Variants in RAPGEF4 observed in about 807,000 individuals in gnomAD.
RAPGEF4 encodes the protein Rap guanine nucleotide exchange factor 4.
RAPGEF4 carries 66 observed loss-of-function variants against 147.9 expected under a neutral mutation model. The ratio of observed to expected loss-of-function variants is 0.45; its 90% CI spans 0.37 to 0.55. The LOEUF (loss-of-function observed/expected upper bound fraction) is 0.55, where lower values mean the gene tolerates loss of function less well. Among genes scored for constraint, RAPGEF4 ranks in the 20% least tolerant of loss-of-function variants. The pLI, the probability that RAPGEF4 is intolerant of heterozygous loss-of-function variation, is 0.00. For missense variants in RAPGEF4, 1,071 were observed against 1,257.3 expected, an observed-to-expected ratio of 0.85 and a Z score of 2.24; for synonymous variants, 419 against 442.7, an observed-to-expected ratio of 0.95 and a Z score of 0.67.
rs749280319 is a variant in RAPGEF4, at chr2:173,018,777, C to T, written c.2130C>T (p.Ile710=). ...ADKLGSGEGL[I]IVKMSSGGEK... ...AGCTGGGCTCCGGGGAGGGCCTGATCATAGTCAAGATGAGTTCCGGAGGAG... is the reference window on the plus strand; with the variant it reads ...AGCTGGGCTCCGGGGAGGGCCTGATTATAGTCAAGATGAGTTCCGGAGGAG... The change falls in exon 22 of 31, where the codon ATC becomes ATT. Residue 710 remains isoleucine (I), a synonymous_variant. Coordinates refer to ENST00000397081, the MANE Select transcript of RAPGEF4 (RefSeq NM_007023.4). 158 of 1,613,826 alleles carry T rather than the reference C, an allele frequency of 9.8e-5. No homozygotes were observed. The highest frequency in any genetic ancestry group is 1.3e-4 in the Non-Finnish European group (154 of 1,179,994).
At chr2:172,865,713 C>T (rs931866151) in intron 4 of RAPGEF4, among the ~76,000 whole-genome samples, 2 of 152,054 alleles carry the variant, frequency 1.3e-5, no homozygotes, top group African/African-American at 4.8e-5. Flanking sequence ...TTGGTGTTGG[C>T]CACTCCCCCC....
intron 1 of RAPGEF4, among the ~76,000 whole-genome samples, chr2:172,789,409 G>A (rs940750766): frequency 6.6e-6 from 1 of 152,094 alleles, no homozygotes; most frequent in Non-Finnish European, 1.5e-5. Context: ...ATGATCCTGC[G>A]TTCTACAGTG....
At chr2:172,889,838 C>T in intron 4 of RAPGEF4, 16 of 980,370 alleles carry the variant, frequency 1.6e-5, no homozygotes, top group Non-Finnish European at 1.9e-5. Context: ...TATGTGGCTT[C>T]TCTTAGCAGA....
At chr2:172,755,412 G>A (rs1695675826) in intron 1 of RAPGEF4, among the ~76,000 whole-genome samples, 2 of 151,452 alleles carry the variant, frequency 1.3e-5, no homozygotes, top group Admixed American at 6.5e-5. Context: ...TTATTTATTT[G>A]AGACGAAGTT....
chr2:172,890,210 A>G (rs935616094), intron 4 of RAPGEF4, among the ~76,000 whole-genome samples: 1 of 152,236 alleles, frequency 6.6e-6, no homozygotes, highest in Admixed American at 6.5e-5. Context: ...TAACATTTGT[A>G]GTGGCTCTAT....
At chr2:172,967,541 T>C in intron 10 of RAPGEF4, 97 bp downstream of exon 10, 2 of 1,295,344 alleles carry the variant, frequency 1.5e-6, no homozygotes, top group Non-Finnish European at 2.1e-6. Flanking sequence ...TCAAAAGCCC[T>C]GGCCATCCCC....
At chr2:172,779,279 A>G (rs1307363288) in intron 1 of RAPGEF4, among the ~76,000 whole-genome samples, 2 of 152,236 alleles carry the variant, frequency 1.3e-5, no homozygotes, top group African/African-American at 4.8e-5. Flanking sequence ...TGCTTGGAAT[A>G]AAGCAATGCA....
At chr2:172,972,774 G>C (rs1471377127) in intron 10 of RAPGEF4, among the ~76,000 whole-genome samples, 2 of 152,130 alleles carry the variant, frequency 1.3e-5, no homozygotes, top group African/African-American at 4.8e-5. Context: ...TTTATTATAA[G>C]ATTGCCTCAA....
At position 172,806,317 on chromosome 2, in the gene RAPGEF4, A is replaced by G. The variant is rs1687493755; in HGVS notation, c.298-7962A>G. Among the ~76,000 whole-genome samples, 4 of 152,348 alleles carry G rather than the reference A, an allele frequency of 2.6e-5. No individual in the cohort carries two copies. The South Asian group carries it at 8.3e-4, about 32-fold the overall frequency. On this transcript the variant is annotated intron_variant, in intron 3 of 30. Coordinates refer to ENST00000397081, the MANE Select transcript of RAPGEF4 (RefSeq NM_007023.4). ...TTTATTAATTCTTTAAAACCTTTACATCTCTATCACAGATGCCTATTGAAA... is the reference window on the plus strand; with the variant it reads ...TTTATTAATTCTTTAAAACCTTTACGTCTCTATCACAGATGCCTATTGAAA...
intron 10 of RAPGEF4, among the ~76,000 whole-genome samples, chr2:172,982,962 A>G (rs116410146): frequency 0.018 from 2,771 of 152,244 alleles, 35 homozygotes; most frequent in Non-Finnish European, 0.032. Flanking sequence ...AGAAAAGAAA[A>G]TGTTGAGTCT....
At chr2:172,925,050 A>G (rs1300944968) in intron 6 of RAPGEF4, among the ~76,000 whole-genome samples, 4 of 152,142 alleles carry the variant, frequency 2.6e-5, no homozygotes, top group African/African-American at 7.2e-5. Flanking sequence ...GCATGATCTC[A>G]GCTCACTGCA....
chr2:172,909,207 A>T (rs1699885404), intron 4 of RAPGEF4, among the ~76,000 whole-genome samples: 1 of 152,172 alleles, frequency 6.6e-6, no homozygotes. Context: ...CATGAGCAGG[A>T]TGCTCTGTAA....
rs71417419 is a variant in RAPGEF4 at position 172,978,641 on chromosome 2, C to T, written c.1005-4855C>T. 3.9e-5 allele frequency among the ~76,000 whole-genome samples: 6 copies of T among 152,224 alleles called. No homozygotes were observed. In the East Asian group the frequency reaches 9.6e-4, roughly 24 times the overall value. ...CTCTAACACCGCCCTCTCCTGCCCTCTGGGCTGATTGACGCAGAGCTGTCT... is the reference window on the plus strand; with the variant it reads ...CTCTAACACCGCCCTCTCCTGCCCTTTGGGCTGATTGACGCAGAGCTGTCT... On this transcript the variant is annotated intron_variant, in intron 10 of 30. Transcript: ENST00000397081.
intron 4 of RAPGEF4, among the ~76,000 whole-genome samples, chr2:172,871,697 C>T (rs953722900): frequency 1.4e-5 from 2 of 145,530 alleles, no homozygotes; most frequent in African/African-American, 2.6e-5. Context: ...ACAGCATTAT[C>T]GAAATAAGCA....
chr2:172,888,655 A>G (rs374877803), intron 4 of RAPGEF4, among the ~76,000 whole-genome samples: 2 of 152,252 alleles, frequency 1.3e-5, no homozygotes, highest in African/African-American at 4.8e-5. Context: ...TTTACCTTCT[A>G]TGAAAATATG....
At chr2:173,035,318 C>A (rs1022362945) in intron 27 of RAPGEF4, among the ~76,000 whole-genome samples, 1 of 151,980 alleles carries the variant, frequency 6.6e-6, no homozygotes, top group Non-Finnish European at 1.5e-5. Flanking sequence ...ACCATTCTGG[C>A]TAACATGGTG....
intron 4 of RAPGEF4, among the ~76,000 whole-genome samples, chr2:172,887,344 CCTCA>C (rs1256226443): frequency 6.6e-6 from 1 of 152,136 alleles, no homozygotes; most frequent in Non-Finnish European, 1.5e-5. Flanking sequence ...CATTTTATCA[CCTCA>C]CTCATTTACT....
In RAPGEF4 at chr2:173,036,133, AAGG is replaced by A. The variant is rs1683976942; in HGVS notation, c.2711_2713del (p.Arg904del). 6.2e-7 allele frequency: 1 copy of A among 1,610,120 alleles called. No individual in the cohort carries two copies. The highest frequency in any genetic ancestry group is 8.5e-7 in the Non-Finnish European group (1 of 1,176,676). On this transcript the variant is annotated inframe_deletion, in exon 28 of 31. Coordinates refer to ENST00000397081, the MANE Select transcript of RAPGEF4 (RefSeq NM_007023.4). Reference sequence around the variant, plus strand: ...TCTTTTTCTCTCCTAAGGACCCTTCAAGGAACCACAGGGCCTACAGGCTGACAG... The same window carrying A: ...TCTTTTTCTCTCCTAAGGACCCTTCAAACCACAGGGCCTACAGGCTGACAG...
intron 4 of RAPGEF4, among the ~76,000 whole-genome samples, chr2:172,862,769 G>A (rs1254229966): frequency 6.6e-6 from 1 of 152,154 alleles, no homozygotes; most frequent in African/African-American, 2.4e-5. Context: ...CTAATCTCTT[G>A]GGAGAGGAAG....
Sources: allele counts gnomAD v4.1 joint callset (sites outside exome capture counted in the v4.1 genomes callset), GRCh38; gene constraint gnomAD v4.1.1; transcripts MANE v1.5; gene names NCBI Gene and HGNC (gene_info 2026-07-23, HGNC 2026-07-21).